MUC3A: variants seen among roughly 807,000 people sequenced by gnomAD.
MUC3A encodes mucin 3A, cell surface associated.
Under a neutral mutation model 109.0 loss-of-function variants are expected in MUC3A, and 109 were observed. That is an observed-to-expected ratio of 1.00 (90% CI 0.86 to 1.17). The LOEUF (loss-of-function observed/expected upper bound fraction) is 1.17, where lower values mean the gene tolerates loss of function less well. Ranked by LOEUF, MUC3A falls within the 50% of genes most tolerant of loss-of-function variation. The pLI, the probability that MUC3A is intolerant of heterozygous loss-of-function variation, is 0.00. For missense variants in MUC3A, 3,537 were observed against 2,469.4 expected, an observed-to-expected ratio of 1.43 and a Z score of -9.16; for synonymous variants, 1,398 against 981.4, an observed-to-expected ratio of 1.42 and a Z score of -7.93.
At position 100,964,723 on chromosome 7, in the gene MUC3A, G is replaced by A. The variant is rs752322094; in HGVS notation, c.9262G>A (p.Val3088Ile). 77 of 1,598,294 alleles carry A rather than the reference G, an allele frequency of 4.8e-5. No homozygotes were observed. Among genetic ancestry groups the A allele is most frequent in the Admixed American group, 8.3e-5 (5 of 59,996 alleles). ...RNGSIVVDYLVLLEMPFSPQL... is the reference protein window; with the variant it reads ...RNGSIVVDYLILLEMPFSPQL... ...TGGCAGCATCGTGGTGGACTACCTG[G>A]TCCTGCTGGAGATGCCCTTCAGCCC... The change falls in exon 6 of 12, where the codon GTC (valine) becomes ATC (isoleucine). Residue 3088 changes from valine to isoleucine, a missense_variant. Transcript: ENST00000379458.
At position 100,959,542 on chromosome 7, in the gene MUC3A, C is replaced by T. The variant is rs1227843979; in HGVS notation, c.7763C>T (p.Thr2588Ile). 2 of 1,590,382 alleles carry T rather than the reference C, an allele frequency of 1.3e-6. No homozygotes were observed. The highest frequency in any genetic ancestry group is 1.7e-6 in the Non-Finnish European group (2 of 1,176,172). Residue 2588 changes from threonine to isoleucine, a missense_variant, in exon 2 of 12, where the codon ACT (threonine) becomes ATT (isoleucine). Coordinates refer to ENST00000379458, the MANE Select transcript of MUC3A (RefSeq NM_005960.2). ...ACCCCTCCTGTACTGACGTCAGCCACTGGGACCCAAACATCTCCTGCACCT... is the reference window on the plus strand; with the variant it reads ...ACCCCTCCTGTACTGACGTCAGCCATTGGGACCCAAACATCTCCTGCACCT... ...TQTPPVLTSA[T>I]GTQTSPAPTT...
chr7:100,958,986 T>G lies in MUC3A; in HGVS notation c.7207T>G (p.Ser2403Ala). 6.4e-7 allele frequency: 1 copy of G among 1,573,858 alleles called. No homozygotes were observed. Among genetic ancestry groups the G allele is most frequent in the Non-Finnish European group, 8.6e-7 (1 of 1,168,086 alleles). The stretch of plus-strand genomic sequence containing the variant: ...GTGGGTCACCACCACCAAGACCACC[T>G]CACACATTACTCCTGGCCTCACTTC... ...TSWVTTTKTT[S>A]HITPGLTSSI... is the part of the protein sequence containing the mutation. Residue 2403 changes from serine (S) to alanine (A), a missense_variant, in exon 2 of 12, where the codon TCA becomes GCA. Ser to Ala is a moderately conservative substitution (Grantham distance 99). Coordinates refer to ENST00000379458, the MANE Select transcript of MUC3A (RefSeq NM_005960.2).
chr7:100,959,979 T>G lies in MUC3A; in HGVS notation c.8200T>G (p.Ser2734Ala), dbSNP rs1253562062. The part of the protein sequence containing the change: ...SASITGFPSL[S>A]SSATTSTSST... The stretch of plus-strand genomic sequence containing the variant: ...TTCTATCACAGGCTTTCCTAGTCTC[T>G]CTTCCTCTGCAACTACCAGCACTTC... The change falls in exon 2 of 12, where the codon TCT (serine) becomes GCT (alanine). Residue 2734 changes from serine to alanine, a missense_variant. Transcript: ENST00000379458. The G allele has an allele frequency of 6.6e-7, 1 of 1,507,698 alleles. No individual in the cohort carries two copies. Among genetic ancestry groups the G allele is most frequent in the Non-Finnish European group, 8.8e-7 (1 of 1,139,412 alleles). 93.4% of individuals were successfully genotyped at this position (1,507,698 alleles called of 1,614,324 possible).
At position 100,952,060 on chromosome 7, in the gene MUC3A, C is replaced by T; in HGVS notation, c.281C>T (p.Ser94Phe). The T allele has an allele frequency of 6.3e-7, 1 of 1,598,678 alleles. No homozygotes were observed. Among genetic ancestry groups the T allele is most frequent in the South Asian group, 1.1e-5 (1 of 91,092 alleles). Reference protein sequence around the residue: ...DTLISETLLNSPVSSNTSTTP... With the variant: ...DTLISETLLNFPVSSNTSTTP... ...CTCATCTCTGAAACATTGCTCAACT[C>T]TCCAGTCAGTTCCAACACCTCAACC... The change falls in exon 2 of 12, where the codon TCT (serine) becomes TTT (phenylalanine). Residue 94 changes from serine to phenylalanine, a missense_variant. Coordinates refer to ENST00000379458, the MANE Select transcript of MUC3A (RefSeq NM_005960.2).
chr7:100,963,405 C>G (rs1305893151), intron 4 of MUC3A, 139 bp downstream of exon 4: 2 of 825,586 alleles, frequency 2.4e-6, no homozygotes. Context: ...CTTGCCTCAG[C>G]CTCCCAAGTA....
chr7:100,963,135 T>C lies in MUC3A; in HGVS notation c.9053-16T>C. ...GCAGACAGAGAAGTGACTGGGGACA[T>C]GCATGCTCTGTGTAGATGTAGTGGA... On this transcript the variant is annotated splice_polypyrimidine_tract_variant and intron_variant, in intron 3 of 11. Transcript: ENST00000379458. 1.9e-6 allele frequency: 3 copies of C among 1,596,952 alleles called. No homozygotes were observed. The highest frequency in any genetic ancestry group is 2.5e-6 in the Non-Finnish European group (3 of 1,179,180).
In MUC3A at chr7:100,952,104, G is replaced by A. The variant is rs1327036842; in HGVS notation, c.325G>A (p.Ala109Thr). 2 of 1,598,508 alleles carry A rather than the reference G, an allele frequency of 1.3e-6. No homozygotes were observed. Among genetic ancestry groups the A allele is most frequent in the Non-Finnish European group, 1.7e-6 (2 of 1,179,828 alleles). Residue 109 changes from alanine (A) to threonine (T), a missense_variant, in exon 2 of 12, where the codon GCC (alanine) becomes ACC (threonine). Transcript: ENST00000379458. The stretch of plus-strand genomic sequence containing the variant: ...CTCAACCACCCCGACGTCCAAGTTT[G>A]CCTTCAAGGTTGAAACCACTCCACC... ...NTSTTPTSKF[A>T]FKVETTPPTV...
Position 100,958,217 on chromosome 7 carries a change from T to G in MUC3A, c.6438T>G (p.Ser2146=). The G allele has an allele frequency of 1.4e-6, 1 of 708,084 alleles. No homozygotes were observed. The highest frequency in any genetic ancestry group is 2.2e-6 in the Non-Finnish European group (1 of 446,926). 43.9% of individuals were successfully genotyped at this position (708,084 alleles called of 1,614,324 possible). A position where few individuals can be genotyped will look rare whatever the true frequency, so the allele number is the denominator to read the frequency against. ...CACACAGTACTCCCAACTTCACTTC[T>G]TCAATCACCACCACCGAGACCACAT... ...NATHSTPNFT[S]SITTTETTSH... is the part of the protein sequence containing the mutation. The change falls in exon 2 of 12, where the codon TCT becomes TCG. Residue 2146 remains serine, a synonymous_variant. Coordinates refer to ENST00000379458, the MANE Select transcript of MUC3A (RefSeq NM_005960.2).
chr7:100,950,468 C>T (rs1330458403), intron 1 of MUC3A, among the ~76,000 whole-genome samples: 2 of 152,308 alleles, frequency 1.3e-5, no homozygotes, highest in South Asian at 4.1e-4. Flanking sequence ...TCTCAGTCAC[C>T]TCCAGGGCCA....
rs775226166 is a variant in MUC3A, at chr7:100,960,473, C to A, written c.8694C>A (p.Ser2898Arg). 2 of 1,598,534 alleles carry A rather than the reference C, an allele frequency of 1.3e-6. No individual in the cohort carries two copies. Among genetic ancestry groups the A allele is most frequent in the African/African-American group, 1.3e-5 (1 of 74,964 alleles). The change falls in exon 2 of 12, where the codon AGC becomes AGA. Residue 2898 changes from serine to arginine, a missense_variant. Transcript: ENST00000379458. ...TIPLTMKPSS[S>R]LPTILRTSSK... ...CGCTCACCATGAAACCAAGCAGTAG[C>A]CTCCCGACCATCCTGAGGACTTCAA...
Position 100,952,004 on chromosome 7 carries a change from T to A in MUC3A, c.225T>A (p.Pro75=). ...CTCCTGGCCACAGGGAAAATGCACC[T>A]ATGACACTCACTACCTCCCCCCATG... ...SPAPGHRENA[P]MTLTTSPHDT... is the part of the protein sequence containing the mutation. The change falls in exon 2 of 12, where the codon CCT becomes CCA. Residue 75 remains proline (P), a synonymous_variant. Coordinates refer to ENST00000379458, the MANE Select transcript of MUC3A (RefSeq NM_005960.2). 6.3e-7 allele frequency: 1 copy of A among 1,598,678 alleles called. No individual in the cohort carries two copies. The highest frequency in any genetic ancestry group is 1.1e-5 in the South Asian group (1 of 91,092).
Position 100,956,535 on chromosome 7 carries a change from A to C in MUC3A, c.4756A>C (p.Ile1586Leu), listed in dbSNP as rs1258296416. The C allele has an allele frequency of 0.095, 35,697 of 374,482 alleles. No individual in the cohort carries two copies. The highest frequency in any genetic ancestry group is 0.14 in the African/African-American group (5,754 of 41,888). 23.2% of individuals were successfully genotyped at this position (374,482 alleles called of 1,614,324 possible). The change falls in exon 2 of 12, where the codon ATC (isoleucine) becomes CTC (leucine). Residue 1586 changes from isoleucine to leucine, a missense_variant. By Grantham distance (5) the Ile-to-Leu change is conservative. Coordinates refer to ENST00000379458, the MANE Select transcript of MUC3A (RefSeq NM_005960.2). ...PTTITPSSVG[I>L]SGSLPMMTDL... ...AACTATTACTCCCTCATCCGTGGGC[A>C]TCAGTGGTTCATTACCTATGATGAC...
chr7:100,963,049 G>C (rs1792392357), intron 3 of MUC3A, 102 bp from the exon 4 acceptor site: 2 of 1,332,648 alleles, frequency 1.5e-6, no homozygotes, highest in African/African-American at 1.4e-5. Flanking sequence ...AGGGATCTTG[G>C]AGGGGAGCAG....
At chr7:100,964,253 G>A in intron 5 of MUC3A, 1 of 176,824 alleles carries the variant, frequency 5.7e-6, no homozygotes. Flanking sequence ...GGGCAACATA[G>A]TGAGAACCCA....
At chr7:100,966,209 T>G (rs1436960314) in intron 8 of MUC3A, 177 bp from the exon 9 acceptor site, 4 of 565,112 alleles carry the variant, frequency 7.1e-6, no homozygotes, top group Non-Finnish European at 1.0e-5. Flanking sequence ...CCCCCTCACC[T>G]AGGGTAGAGC....
At chr7:100,961,307 G>A (rs566775150) in intron 3 of MUC3A, among the ~76,000 whole-genome samples, 36 of 152,402 alleles carry the variant, frequency 2.4e-4, no homozygotes, top group African/African-American at 8.2e-4. Context: ...AAATCAAGGC[G>A]TCACCAGGGC....
In MUC3A at chr7:100,952,910, A is replaced by AT; in HGVS notation, c.1131_1132insT (p.Glu378Ter). ...CCACCTCTTCCTCTCTCCCAACCAC[A>AT]GAAACAGCCACGACTCCTATGACAA... On this transcript the variant is annotated frameshift_variant, in exon 2 of 12. Transcript: ENST00000379458. LOFTEE classifies it high-confidence loss of function. The AT allele has an allele frequency of 6.3e-7, 1 of 1,585,662 alleles. No homozygotes were observed. The highest frequency in any genetic ancestry group is 1.7e-5 in the Admixed American group (1 of 58,238).
At position 100,959,696 on chromosome 7, in the gene MUC3A, T is replaced by G; in HGVS notation, c.7917T>G (p.Leu2639=). 6.3e-7 allele frequency: 1 copy of G among 1,598,540 alleles called. No homozygotes were observed. The highest frequency in any genetic ancestry group is 8.5e-7 in the Non-Finnish European group (1 of 1,179,818). The part of the protein sequence containing the change: ...VPIPSTHSST[L]QTTPSTPSLQ... ...TTCCTAGCACACATTCCTCCACCCT[T>G]CAAACAACTCCTTCTACTCCCTCAT... The change falls in exon 2 of 12, where the codon CTT becomes CTG. Residue 2639 remains leucine, a synonymous_variant. Transcript: ENST00000379458.
intron 7 of MUC3A, 30 bp downstream of exon 7, chr7:100,965,377 T>C: frequency 6.3e-7 from 1 of 1,592,204 alleles, no homozygotes; most frequent in Non-Finnish European, 8.5e-7. Flanking sequence ...CTGAGTGGTC[T>C]CCCGCGGCTA....
Sources: gnomAD v4.1 joint callset for allele counts (sites outside exome capture counted in the v4.1 genomes callset) on GRCh38, gnomAD v4.1.1 for gene constraint, MANE v1.5 for transcripts, NCBI Gene and HGNC (gene_info 2026-07-23, HGNC 2026-07-21) for gene names.